Variants in GNS observed in about 807,000 individuals in gnomAD.
GNS encodes N-acetylglucosamine-6-sulfatase.
In GNS, 40 loss-of-function variants were observed where a neutral mutation model predicts 69.7. That is an observed-to-expected ratio of 0.57 (90% CI 0.45 to 0.75). GNS has a LOEUF of 0.75. Ranked by LOEUF, GNS falls within the 30% of genes least tolerant of loss-of-function variation. The probability of loss-of-function intolerance (pLI) is 0.00; values close to 1 mark genes in which losing one functional copy is unlikely to be tolerated. For missense variants in GNS, 565 were observed against 685.5 expected (o/e 0.82, Z 1.96); for synonymous variants, 243 against 251.6 (o/e 0.97, Z 0.32).
At chr12:64,726,018 A>G (rs1869187573) in intron 10 of GNS, among the ~76,000 whole-genome samples, 1 of 150,840 alleles carries the variant, frequency 6.6e-6, no homozygotes. Flanking sequence ...AAAAAAAAAA[A>G]AAAGAAATAA....
chr12:64,721,511 G>A (rs1869026591), intron 12 of GNS, 84 bp downstream of exon 12: 2 of 784,364 alleles, frequency 2.5e-6, no homozygotes, highest in Non-Finnish European at 4.7e-6. Context: ...AGCAGCCTTG[G>A]AATTGCTCTT....
intron 2 of GNS, among the ~76,000 whole-genome samples, chr12:64,751,099 G>A (rs1034290500): frequency 2.0e-5 from 3 of 152,082 alleles, no homozygotes; most frequent in South Asian, 2.1e-4. Flanking sequence ...TGTAATCCTA[G>A]CACTTTGGGA....
intron 8 of GNS, among the ~76,000 whole-genome samples, chr12:64,738,513 G>A (rs1356413970): frequency 6.6e-6 from 1 of 152,118 alleles, no homozygotes; most frequent in Non-Finnish European, 1.5e-5. Context: ...TCTACTTTGA[G>A]TGTTTAAAAA....
intron 1 of GNS, among the ~76,000 whole-genome samples, chr12:64,757,411 C>T (rs1870285649): frequency 6.6e-6 from 1 of 152,142 alleles, no homozygotes; most frequent in Admixed American, 6.5e-5. Context: ...TCTTCAAGGA[C>T]ACATTTTCTT....
chr12:64,750,576 A>T (rs1435426527), intron 2 of GNS, among the ~76,000 whole-genome samples: 2 of 152,194 alleles, frequency 1.3e-5, no homozygotes, highest in African/African-American at 4.8e-5. Context: ...TAATCTTGTT[A>T]GGATTACAAC....
At chr12:64,746,406 T>G (rs1303139945) in intron 3 of GNS, among the ~76,000 whole-genome samples, 1 of 152,318 alleles carries the variant, frequency 6.6e-6, no homozygotes, top group South Asian at 2.1e-4. Flanking sequence ...AAGGAAATGT[T>G]CACTGGAGCA....
chr12:64,730,434 C>CAAAAAAAAAAAA (rs35692874), intron 9 of GNS, among the ~76,000 whole-genome samples: 7 of 43,398 alleles, frequency 1.6e-4, no homozygotes, highest in South Asian at 1.2e-3. Flanking sequence ...ATATGAAAGG[C>CAAAAAAAAAAAA]AAAAAAAAAA....
intron 10 of GNS, among the ~76,000 whole-genome samples, chr12:64,726,195 TCC>T (rs1869194195): frequency 6.6e-6 from 1 of 151,876 alleles, no homozygotes; most frequent in South Asian, 2.1e-4. Flanking sequence ...CGGGCTAGGA[TCC>T]CCATGAGGAC....
At position 64,752,743 on chromosome 12, in the gene GNS, T is replaced by C; in HGVS notation, c.207A>G (p.Lys69=). ...CCATCTCTCCGATGAGAGCTTTGGT[T>C]TTCTTTAGCGGTGTCTGTAAAAGTA... is the stretch of plus-strand genomic sequence containing the variant. ...EVLGGMTPLK[K]TKALIGEMGM... The change falls in exon 2 of 14, where the codon AAA becomes AAG. Residue 69 remains lysine (K), a synonymous_variant. Transcript: ENST00000258145. 1.3e-6 allele frequency: 2 copies of C among 1,519,714 alleles called. No individual in the cohort carries two copies. Among genetic ancestry groups the C allele is most frequent in the Non-Finnish European group, 1.8e-6 (2 of 1,095,860 alleles). 94.1% of individuals were successfully genotyped at this position (1,519,714 alleles called of 1,614,324 possible).
At chr12:64,720,433 C>T (rs145544819) in intron 12 of GNS, among the ~76,000 whole-genome samples, 3 of 152,180 alleles carry the variant, frequency 2.0e-5, no homozygotes, top group South Asian at 2.1e-4. Context: ...GGGGCCCCTG[C>T]ACACCCTGTG....
intron 10 of GNS, among the ~76,000 whole-genome samples, chr12:64,726,456 C>G (rs1385159863): frequency 6.6e-6 from 1 of 152,162 alleles, no homozygotes; most frequent in Non-Finnish European, 1.5e-5. Flanking sequence ...AGGAGAATAG[C>G]TTTCTGGCTT....
At chr12:64,758,949 C>T (rs1870371990) in intron 1 of GNS, 136 bp downstream of exon 1, 5 of 757,158 alleles carry the variant, frequency 6.6e-6, no homozygotes, top group African/African-American at 1.7e-5. Flanking sequence ...TAAAGGGCCT[C>T]AGGTGGGAAA....
chr12:64,736,609 T>C (rs193262733), intron 9 of GNS, among the ~76,000 whole-genome samples: 7 of 152,322 alleles, frequency 4.6e-5, no homozygotes, highest in Admixed American at 4.6e-4. Context: ...AAGGCAGATG[T>C]TGGGTCCCTA....
chr12:64,736,782 T>C (rs1442976934), intron 9 of GNS, among the ~76,000 whole-genome samples: 3 of 152,042 alleles, frequency 2.0e-5, no homozygotes, highest in Non-Finnish European at 4.4e-5. Flanking sequence ...AGAAAAGCTA[T>C]GCATTCTAAT....
In GNS at chr12:64,716,771, C is replaced by T. The variant is rs778448292; in HGVS notation, c.1629G>A (p.Arg543=). The stretch of plus-strand genomic sequence containing the variant: ...GAAGATGTTTGGAAAATCTTCGAGT[C>T]CTGACACTGCCGCGATTGCTGAACA... ...RLMFSNRGSV[R]TRRFSKHLL The change falls in exon 14 of 14, where the codon AGG becomes AGA. Residue 543 remains arginine, a synonymous_variant. Transcript: ENST00000258145. 4.0e-5 allele frequency: 64 copies of T among 1,613,530 alleles called. 1 individual carries two copies. In the South Asian group the frequency reaches 5.8e-4, roughly 15 times the overall value.
At chr12:64,752,085 G>T (rs1870097829) in intron 2 of GNS, among the ~76,000 whole-genome samples, 1 of 131,580 alleles carries the variant, frequency 7.6e-6, no homozygotes, top group Non-Finnish European at 1.7e-5. Context: ...AAATGGGGAG[G>T]AAGAGGGCCA....
chr12:64,720,182 C>A lies in GNS; in HGVS notation c.1420G>T (p.Val474Leu). The A allele has an allele frequency of 1.3e-6, 2 of 1,585,918 alleles. No individual in the cohort carries two copies. Among genetic ancestry groups the A allele is most frequent in the Non-Finnish European group, 1.7e-6 (2 of 1,154,894 alleles). The change falls in exon 13 of 14, where the codon GTG becomes TTG. Residue 474 changes from valine to leucine, a missense_variant and splice_region_variant. Physicochemically the swap from Val to Leu is conservative, Grantham distance 32. Around this residue, in one of 2 missense-constraint regions of GNS, gnomAD observed 384 missense variants for 511.0 expected, o/e 0.75. Coordinates refer to ENST00000258145, the MANE Select transcript of GNS (RefSeq NM_002076.4). ...LQYCEFDDQE[V>L]FVEVYNLTAD... is the part of the protein sequence containing the mutation. ...GTCAGATTATAGACTTCTACAAACA[C>A]CTAGAGGACATGAAAGAATGGAGGA...
At chr12:64,733,919 A>G (rs1017952807) in intron 9 of GNS, among the ~76,000 whole-genome samples, 8 of 152,222 alleles carry the variant, frequency 5.3e-5, no homozygotes, top group Admixed American at 2.0e-4. Context: ...ATCTACACAT[A>G]TGACCTTGTC....
intron 9 of GNS, among the ~76,000 whole-genome samples, chr12:64,733,745 GTCTTCCTGAC>G (rs1869476950): frequency 6.6e-6 from 1 of 152,200 alleles, no homozygotes; most frequent in East Asian, 1.9e-4. Flanking sequence ...CCAACAGGTC[GTCTTCCTGAC>G]TCCCAGTTCA....
Sources: gnomAD v4.1 joint callset for allele counts (sites outside exome capture counted in the v4.1 genomes callset) on GRCh38, gnomAD v4.1.1 for gene constraint, gnomAD v4.1.1 regional missense constraint, MANE v1.5 for transcripts, NCBI Gene and HGNC (gene_info 2026-07-23, HGNC 2026-07-21) for gene names.